TMEM82: variants seen among roughly 807,000 people sequenced by gnomAD.
The protein encoded by TMEM82 is transmembrane protein 82.
In TMEM82, 30 loss-of-function variants were observed where a neutral mutation model predicts 29.2. The ratio of observed to expected loss-of-function variants is 1.03; its 90% CI spans 0.77 to 1.39. The LOEUF is 1.39. Among genes scored for constraint, TMEM82 ranks in the 40% most tolerant of loss-of-function variants. TMEM82 has a pLI of 0.00. For synonymous variants in TMEM82, 221 were observed against 225.4 expected, an observed-to-expected ratio of 0.98 and a Z score of 0.18; for missense variants, 442 against 447.7, an observed-to-expected ratio of 0.99 and a Z score of 0.12.
chr1:15,743,274 G>C, intron 3 of TMEM82, 80 bp downstream of exon 3: 1 of 1,446,146 alleles, frequency 6.9e-7, no homozygotes, highest in South Asian at 1.3e-5. Flanking sequence ...GGGCAGCAGG[G>C]CCCAGGTCCA....
rs561032534 is a variant in TMEM82 at position 15,744,110 on chromosome 1, T to G, written c.337-50T>G. ...CCGGCTTCCTGTGGTGGGCAGCACC[T>G]GTGGTGAGGCAGCCCCCACATCTCG... On this transcript the variant is annotated intron_variant, in intron 3 of 5. Coordinates refer to ENST00000375782, the MANE Select transcript of TMEM82 (RefSeq NM_001013641.3). The surrounding 1 kb of genome is among the most constrained non-coding windows in gnomAD (Gnocchi z 5.2). 6.5e-5 allele frequency: 94 copies of G among 1,447,298 alleles called. No individual in the cohort carries two copies. Among genetic ancestry groups the G allele is most frequent in the Non-Finnish European group, 7.9e-5 (87 of 1,099,968 alleles). 89.7% of individuals were successfully genotyped at this position (1,447,298 alleles called of 1,614,324 possible). A position where few individuals can be genotyped will look rare whatever the true frequency, so the allele number is the denominator to read the frequency against.
Position 15,744,158 on chromosome 1 carries a change from A to T in TMEM82, c.337-2A>T. Reference sequence around the variant, plus strand: ...TCGGCCCCTCTTCGGCACTCCCCGCAGGGCTCCCAGGGTGCCGCCGAGAGG... The same window carrying T: ...TCGGCCCCTCTTCGGCACTCCCCGCTGGGCTCCCAGGGTGCCGCCGAGAGG... On this transcript the variant is annotated splice_acceptor_variant, in intron 3 of 5. Transcript: ENST00000375782. LOFTEE classifies it high-confidence loss of function. The surrounding 1 kb of genome is among the most constrained non-coding windows in gnomAD (Gnocchi z 5.2). 1 of 1,540,352 alleles carries T rather than the reference A, an allele frequency of 6.5e-7. No homozygotes were observed. The highest frequency in any genetic ancestry group is 1.2e-5 in the South Asian group (1 of 82,068).
Position 15,744,487 on chromosome 1 carries a change from C to T in TMEM82, c.664C>T (p.Leu222Phe), listed in dbSNP as rs1350036211. 6.2e-7 allele frequency: 1 copy of T among 1,611,802 alleles called. No individual in the cohort carries two copies. Among genetic ancestry groups the T allele is most frequent in the Admixed American group, 1.7e-5 (1 of 59,876 alleles). ...FAVGDLAAVA[L>F]INQDFLTTSE... Reference sequence around the variant, plus strand: ...CGTGGGTGACCTGGCAGCTGTGGCCCTCATCAACCAGGACTTCCTGACCAC... The same window carrying T: ...CGTGGGTGACCTGGCAGCTGTGGCCTTCATCAACCAGGACTTCCTGACCAC... The change falls in exon 4 of 6, where the codon CTC becomes TTC. Residue 222 changes from leucine (L) to phenylalanine (F), a missense_variant. Coordinates refer to ENST00000375782, the MANE Select transcript of TMEM82 (RefSeq NM_001013641.3). The surrounding 1 kb of genome is among the most constrained non-coding windows in gnomAD (Gnocchi z 5.2).
chr1:15,746,408 C>T (rs1193277147), intron 4 of TMEM82, among the ~76,000 whole-genome samples: 1 of 131,428 alleles, frequency 7.6e-6, no homozygotes, highest in Non-Finnish European at 1.6e-5. Flanking sequence ...GTAAGACTGT[C>T]TCAAAAAAAA....
At position 15,744,103 on chromosome 1, in the gene TMEM82, C is replaced by G; in HGVS notation, c.337-57C>G. The G allele has an allele frequency of 7.0e-7, 1 of 1,437,218 alleles. No homozygotes were observed. The highest frequency in any genetic ancestry group is 1.5e-5 in the South Asian group (1 of 68,614). The allele number at this position is 1,437,218 out of a possible 1,614,324, so 89.0% of individuals were successfully genotyped here. ...TCAGGCTCCGGCTTCCTGTGGTGGG[C>G]AGCACCTGTGGTGAGGCAGCCCCCA... On this transcript the variant is annotated intron_variant, in intron 3 of 5. Coordinates refer to ENST00000375782, the MANE Select transcript of TMEM82 (RefSeq NM_001013641.3). This position sits in a 1 kb window ranked among gnomAD's most constrained non-coding sequence, Gnocchi z 5.2.
Position 15,743,106 on chromosome 1 carries a change from T to G in TMEM82, c.248T>G (p.Phe83Cys), listed in dbSNP as rs1022099733. Reference protein sequence around the residue: ...ETVHLAGLALFLTVVGSRVAA... With the variant: ...ETVHLAGLALCLTVVGSRVAA... Reference sequence around the variant, plus strand: ...GTGCACCTGGCAGGGCTGGCCCTGTTTCTGACGGTCGTGGGGTCCCGGGTG... The same window carrying G: ...GTGCACCTGGCAGGGCTGGCCCTGTGTCTGACGGTCGTGGGGTCCCGGGTG... Residue 83 changes from phenylalanine (F) to cysteine (C), a missense_variant, in exon 3 of 6, where the codon TTT (phenylalanine) becomes TGT (cysteine). Transcript: ENST00000375782. The G allele has an allele frequency of 1.9e-6, 3 of 1,612,192 alleles. No individual in the cohort carries two copies. In the South Asian group the frequency reaches 3.3e-5, roughly 18 times the overall value.
At position 15,744,643 on chromosome 1, in the gene TMEM82, G is replaced by A. The variant is rs894343240; in HGVS notation, c.757+63G>A. 51 of 1,494,266 alleles carry A rather than the reference G, an allele frequency of 3.4e-5. No individual in the cohort carries two copies. Among genetic ancestry groups the A allele is most frequent in the East Asian group, 4.8e-5 (2 of 41,970 alleles). 92.6% of individuals were successfully genotyped at this position (1,494,266 alleles called of 1,614,324 possible). A position where few individuals can be genotyped will look rare whatever the true frequency, so the allele number is the denominator to read the frequency against. On this transcript the variant is annotated intron_variant, in intron 4 of 5. Coordinates refer to ENST00000375782, the MANE Select transcript of TMEM82 (RefSeq NM_001013641.3). The surrounding 1 kb of genome is among the most constrained non-coding windows in gnomAD (Gnocchi z 5.2). ...CATCCCTCTGTCTGGGTCAGGCTCC[G>A]GGGAGGCCGAGAGCCATCAGCCCTC...
chr1:15,746,920 C>A lies in TMEM82; in HGVS notation c.811C>A (p.Arg271Ser). Reference protein sequence around the residue: ...LQSQVQTVLVRMGGLFVLLLT... With the variant: ...LQSQVQTVLVSMGGLFVLLLT... Reference sequence around the variant, plus strand: ...GAGCCAGGTGCAGACGGTGCTGGTGCGCATGGGCGGCCTCTTCGTGCTGCT... The same window carrying A: ...GAGCCAGGTGCAGACGGTGCTGGTGAGCATGGGCGGCCTCTTCGTGCTGCT... Residue 271 changes from arginine to serine, a missense_variant, in exon 5 of 6, where the codon CGC becomes AGC. By Grantham distance (110) the Arg-to-Ser change is moderately radical. Transcript: ENST00000375782. 10 of 1,607,188 alleles carry A rather than the reference C, an allele frequency of 6.2e-6. No homozygotes were observed. The highest frequency in any genetic ancestry group is 8.5e-6 in the Non-Finnish European group (10 of 1,179,590).
chr1:15,743,252 C>A, intron 3 of TMEM82, 58 bp downstream of exon 3: 2 of 1,527,624 alleles, frequency 1.3e-6, no homozygotes, highest in Non-Finnish European at 1.8e-6. Context: ...CCCGGGCTCA[C>A]CCCCGGAATG....
intron 4 of TMEM82, among the ~76,000 whole-genome samples, chr1:15,745,483 C>T (rs111994626): frequency 0.028 from 4,229 of 151,614 alleles, 213 homozygotes; most frequent in African/African-American, 0.093. Flanking sequence ...CGAACCACTG[C>T]ACTCCAGCCT....
chr1:15,742,559 C>T lies in TMEM82; in HGVS notation c.-1C>T, dbSNP rs141985057. ...AGGCTGGGGCTCCTTCCGGGGCTGC[C>T]ATGTTCTCTCTTCCATCCCTCCCCT... On this transcript the variant is annotated 5_prime_UTR_variant, in exon 1 of 6. Transcript: ENST00000375782. 94 of 1,581,742 alleles carry T rather than the reference C, an allele frequency of 5.9e-5. No homozygotes were observed. The highest frequency in any genetic ancestry group is 3.8e-5 in the Non-Finnish European group (44 of 1,166,192).
rs1436484664 is a variant in TMEM82, at chr1:15,744,055, C to T, written c.337-105C>T. ...TCATCTGAAGCCGATGTGGCCCCTTCGGGAACCATCCCCAAGGTCCCTTCA... is the reference window on the plus strand; with the variant it reads ...TCATCTGAAGCCGATGTGGCCCCTTTGGGAACCATCCCCAAGGTCCCTTCA... On this transcript the variant is annotated intron_variant, in intron 3 of 5. Transcript: ENST00000375782. This position sits in a 1 kb window ranked among gnomAD's most constrained non-coding sequence, Gnocchi z 5.2. 20 of 1,208,408 alleles carry T rather than the reference C, an allele frequency of 1.7e-5. No homozygotes were observed. The Admixed American group carries it at 2.9e-4, about 18-fold the overall frequency. 74.9% of individuals were successfully genotyped at this position (1,208,408 alleles called of 1,614,324 possible). A position where few individuals can be genotyped will look rare whatever the true frequency, so the allele number is the denominator to read the frequency against.
intron 4 of TMEM82, among the ~76,000 whole-genome samples, chr1:15,745,040 GT>G (rs2068324565): frequency 6.6e-6 from 1 of 152,130 alleles, no homozygotes; most frequent in Non-Finnish European, 1.5e-5. Flanking sequence ...TTATGTTTTT[GT>G]TTTGTTTTGC....
rs1167907648 is a variant in TMEM82 at position 15,747,292 on chromosome 1, CA to C, written c.946-242del. 8.0e-3 allele frequency among the ~76,000 whole-genome samples: 1,128 copies of C among 141,724 alleles called. 5 individuals carry two copies. The highest frequency in any genetic ancestry group is 0.013 in the African/African-American group (509 of 38,838). 93.0% of individuals were successfully genotyped at this position (141,724 alleles called of 152,430 possible). On this transcript the variant is annotated intron_variant, in intron 5 of 5. Transcript: ENST00000375782. ...GGGCAACAGAGTGAGACTCCATCTC[CA>C]AAAAAAAAAAAGACAGAGCCAGGGT... is the stretch of plus-strand genomic sequence containing the variant.
At chr1:15,742,792 C>A (rs781017549) in intron 1 of TMEM82, 43 bp from the exon 2 acceptor site, 4 of 1,590,266 alleles carry the variant, frequency 2.5e-6, no homozygotes, top group Non-Finnish European at 3.4e-6. Context: ...GCCCTCCTAA[C>A]ACCCCTGCAC....
Position 15,743,366 on chromosome 1 carries a change from C to T in TMEM82, c.336+172C>T, listed in dbSNP as rs576158780. ...GCACCTTTGGGTTTGGTTGCGGAAG[C>T]GGCCACACTCACAGTGGACACAGTC... On this transcript the variant is annotated intron_variant, in intron 3 of 5. Coordinates refer to ENST00000375782, the MANE Select transcript of TMEM82 (RefSeq NM_001013641.3). 8.5e-5 allele frequency among the ~76,000 whole-genome samples: 13 copies of T among 152,330 alleles called. No homozygotes were observed. The East Asian group carries it at 1.5e-3, about 18-fold the overall frequency.
rs558041882 is a variant in TMEM82 at position 15,747,918 on chromosome 1, A to T, written c.*286A>T. ...GCAGGGGTGGGGGTGCATCCTCAGG[A>T]GGGCTCCCCCTTTACTGGTCTCCCT... On this transcript the variant is annotated 3_prime_UTR_variant, in exon 6 of 6. Transcript: ENST00000375782. 7.8e-4 allele frequency: 287 copies of T among 368,900 alleles called. 1 individual carries two copies. The highest frequency in any genetic ancestry group is 1.5e-4 in the Non-Finnish European group (30 of 205,584). 22.9% of individuals were successfully genotyped at this position (368,900 alleles called of 1,614,324 possible).
chr1:15,747,513 A>T lies in TMEM82; in HGVS notation c.946-33A>T, dbSNP rs746524403. The T allele has an allele frequency of 6.3e-6, 10 of 1,588,910 alleles. No individual in the cohort carries two copies. The African/African-American group carries it at 1.3e-4, about 21-fold the overall frequency. On this transcript the variant is annotated intron_variant, in intron 5 of 5. Transcript: ENST00000375782. ...CCAAGGCCCGCAGGGGGATGGGTGAATGGGTGGTGTCATTCTCAACGCTTT... is the reference window on the plus strand; with the variant it reads ...CCAAGGCCCGCAGGGGGATGGGTGATTGGGTGGTGTCATTCTCAACGCTTT...
intron 5 of TMEM82, 49 bp from the exon 6 acceptor site, chr1:15,747,497 G>C: frequency 7.8e-6 from 12 of 1,543,150 alleles, no homozygotes; most frequent in Non-Finnish European, 1.1e-5. Flanking sequence ...CCCAAGGCCC[G>C]CAGGGGGATG....
Sources: allele counts gnomAD v4.1 joint callset (sites outside exome capture counted in the v4.1 genomes callset), GRCh38; gene constraint gnomAD v4.1.1; non-coding constraint Gnocchi (gnomAD v3.1); transcripts MANE v1.5; gene names NCBI Gene and HGNC (gene_info 2026-07-23, HGNC 2026-07-21).